GABRG3: variants seen among roughly 807,000 people sequenced by gnomAD.
GABRG3 encodes gamma-aminobutyric acid receptor subunit gamma-3.
GABRG3 carries 25 observed loss-of-function variants against 48.8 expected under a neutral mutation model. The ratio of observed to expected loss-of-function variants is 0.51; its 90% CI spans 0.37 to 0.72. The LOEUF (loss-of-function observed/expected upper bound fraction) is 0.72, where lower values mean the gene tolerates loss of function less well. Among genes scored for constraint, GABRG3 ranks in the 30% least tolerant of loss-of-function variants. GABRG3 has a pLI of 0.00. For missense variants in GABRG3, 394 were observed against 577.9 expected, an observed-to-expected ratio of 0.68 and a Z score of 3.26; for synonymous variants, 227 against 217.6, an observed-to-expected ratio of 1.04 and a Z score of -0.38.
intron 3 of GABRG3, among the ~76,000 whole-genome samples, chr15:27,286,184 T>G (rs927748892): frequency 1.3e-5 from 2 of 152,242 alleles, no homozygotes; most frequent in Non-Finnish European, 2.9e-5. Flanking sequence ...TGAACTGATA[T>G]GTACGGATAT....
At chr15:27,307,329 A>ATATAACCATAGGTTTATATATGTTTATT (rs1566770882) in intron 3 of GABRG3, among the ~76,000 whole-genome samples, 2 of 140,608 alleles carry the variant, frequency 1.4e-5, no homozygotes, top group African/African-American at 5.1e-5. Flanking sequence ...ATATGTTTAT[A>ATATAACCATAGGTTTATATATGTTTATT]TATAACCATA....
intron 3 of GABRG3, among the ~76,000 whole-genome samples, chr15:27,113,165 AAC>A (rs1427838426): frequency 6.6e-6 from 1 of 151,326 alleles, no homozygotes; most frequent in African/African-American, 2.4e-5. Flanking sequence ...TTTTTTTTCC[AAC>A]AGTTATTTTT....
chr15:27,277,927 A>T (rs1045752464), intron 3 of GABRG3, among the ~76,000 whole-genome samples: 3 of 152,214 alleles, frequency 2.0e-5, no homozygotes, highest in African/African-American at 7.2e-5. Context: ...CAGGGACCAC[A>T]TCTATCATAA....
intron 3 of GABRG3, among the ~76,000 whole-genome samples, chr15:27,134,761 T>G (rs965946111): frequency 2.6e-5 from 4 of 152,196 alleles, no homozygotes; most frequent in Admixed American, 1.3e-4. Flanking sequence ...AGAGGTACTA[T>G]GCGATCATTG....
intron 6 of GABRG3, among the ~76,000 whole-genome samples, chr15:27,500,950 A>ATTTT (rs1468649460): frequency 4.6e-5 from 5 of 108,292 alleles, no homozygotes; most frequent in African/African-American, 2.0e-4. Flanking sequence ...GAAGTAACGT[A>ATTTT]TGTTTTTTTT....
chr15:27,221,572 TC>T (rs1354850882), intron 3 of GABRG3, among the ~76,000 whole-genome samples: 1 of 151,890 alleles, frequency 6.6e-6, no homozygotes, highest in African/African-American at 2.4e-5. Flanking sequence ...ACCCGGAGAG[TC>T]CCTTGGGGTA....
intron 3 of GABRG3, among the ~76,000 whole-genome samples, chr15:27,028,246 G>A (rs1324263104): frequency 1.3e-5 from 2 of 152,106 alleles, no homozygotes; most frequent in African/African-American, 2.4e-5. Flanking sequence ...GAAACTTGAC[G>A]GATAGGCAAG....
chr15:27,466,625 A>G (rs562137766), intron 5 of GABRG3, among the ~76,000 whole-genome samples: 1 of 152,350 alleles, frequency 6.6e-6, no homozygotes, highest in East Asian at 1.9e-4. Flanking sequence ...ATTCAAAACA[A>G]ATATCACTCT....
chr15:27,478,108 G>A (rs530310155), intron 5 of GABRG3, among the ~76,000 whole-genome samples: 14 of 151,378 alleles, frequency 9.2e-5, no homozygotes, highest in South Asian at 6.3e-4. Flanking sequence ...GCGCCATTGC[G>A]AATGTACTTT....
intron 7 of GABRG3, among the ~76,000 whole-genome samples, chr15:27,521,051 TG>T (rs1161854615): frequency 6.6e-6 from 1 of 152,028 alleles, no homozygotes; most frequent in Non-Finnish European, 1.5e-5. Context: ...GACTAACCCT[TG>T]GGGTTATGGC....
chr15:27,176,868 AAG>A (rs1288030675), intron 3 of GABRG3, among the ~76,000 whole-genome samples: 2 of 152,116 alleles, frequency 1.3e-5, no homozygotes, highest in Admixed American at 1.3e-4. Context: ...ATGTGCTGGA[AAG>A]AGAGCTTGGA....
intron 3 of GABRG3, among the ~76,000 whole-genome samples, chr15:27,149,382 G>T (rs999684205): frequency 2.0e-5 from 3 of 152,262 alleles, no homozygotes; most frequent in Admixed American, 6.5e-5. Context: ...TGGATTGGAA[G>T]ACTTAACATT....
chr15:27,290,003 G>T (rs1335362047), intron 3 of GABRG3, among the ~76,000 whole-genome samples: 7 of 152,074 alleles, frequency 4.6e-5, no homozygotes, highest in Non-Finnish European at 8.8e-5. Flanking sequence ...CTTGGAGAAA[G>T]AGCTGATTCT....
At chr15:27,325,239 G>A (rs1412184751) in intron 3 of GABRG3, among the ~76,000 whole-genome samples, 1 of 152,166 alleles carries the variant, frequency 6.6e-6, no homozygotes, top group Non-Finnish European at 1.5e-5. Context: ...GTGGCTCTGG[G>A]TTCAGAGTCT....
intron 3 of GABRG3, among the ~76,000 whole-genome samples, chr15:27,072,328 A>G (rs900177359): frequency 6.6e-6 from 1 of 152,118 alleles, no homozygotes; most frequent in East Asian, 1.9e-4. Flanking sequence ...CTCCTTCTCC[A>G]TGGACACCCT....
intron 5 of GABRG3, among the ~76,000 whole-genome samples, chr15:27,373,611 A>G (rs569310505): frequency 2.8e-4 from 42 of 152,358 alleles, no homozygotes; most frequent in African/African-American, 8.7e-4. Flanking sequence ...CCCTGAATCA[A>G]TATTACTAGC....
At chr15:27,132,099 A>T (rs1268633004) in intron 3 of GABRG3, among the ~76,000 whole-genome samples, 7 of 151,972 alleles carry the variant, frequency 4.6e-5, no homozygotes. Context: ...TAACTCTGCT[A>T]ATTGTTTCCT....
intron 3 of GABRG3, among the ~76,000 whole-genome samples, chr15:27,105,829 T>C (rs555173473): frequency 6.6e-6 from 1 of 152,268 alleles, no homozygotes; most frequent in South Asian, 2.1e-4. Flanking sequence ...TGCTTTCCCA[T>C]GCTCATTATA....
At chr15:27,183,136 A>G (rs1346007319) in intron 3 of GABRG3, among the ~76,000 whole-genome samples, 2 of 150,930 alleles carry the variant, frequency 1.3e-5, no homozygotes, top group African/African-American at 4.9e-5. Context: ...TTTTTTCCCT[A>G]TGAACAGGCA....
Sources: allele counts gnomAD v4.1 joint callset (sites outside exome capture counted in the v4.1 genomes callset), GRCh38; gene constraint gnomAD v4.1.1; transcripts MANE v1.5; gene names NCBI Gene and HGNC (gene_info 2026-07-23, HGNC 2026-07-21).